Variants in SLFN12L observed in about 807,000 individuals in gnomAD.
SLFN12L encodes the protein schlafen family member 12 like.
In SLFN12L, 34 loss-of-function variants were observed where a neutral mutation model predicts 34.8. The ratio of observed to expected loss-of-function variants is 0.98; its 90% CI spans 0.74 to 1.30. The LOEUF (loss-of-function observed/expected upper bound fraction) is 1.30, where lower values mean the gene tolerates loss of function less well. Ranked by LOEUF, SLFN12L falls within the 50% of genes most tolerant of loss-of-function variation. The pLI is 0.00. For synonymous variants in SLFN12L, 259 were observed against 247.5 expected, an observed-to-expected ratio of 1.05 and a Z score of -0.44; for missense variants, 703 against 696.2, an observed-to-expected ratio of 1.01 and a Z score of -0.11.
At chr17:35,528,392 T>C (rs1181373837) in intron 1 of SLFN12L, among the ~76,000 whole-genome samples, 1 of 151,716 alleles carries the variant, frequency 6.6e-6, no homozygotes, top group Non-Finnish European at 1.5e-5. Context: ...GCCAAGACAA[T>C]CCTAAGCAAA....
At position 35,465,608 on chromosome 17, in the gene SLFN12L, A is replaced by C. The variant is rs557219588; in HGVS notation, c.*9315T>G. On this transcript the variant is annotated 3_prime_UTR_variant, in exon 5 of 5. Coordinates refer to ENST00000628453, the MANE Select transcript of SLFN12L (RefSeq NM_001363830.2). ...ACCTCATTTATATAACATAAAAGGG[A>C]TAAAGGAGATAAGTATTCCCTGCTG... Among the ~76,000 whole-genome samples, 70 of 151,856 alleles carry C rather than the reference A, an allele frequency of 4.6e-4. No individual in the cohort carries two copies. Among genetic ancestry groups the C allele is most frequent in the African/African-American group, 1.7e-3 (70 of 41,388 alleles).
intron 1 of SLFN12L, among the ~76,000 whole-genome samples, chr17:35,535,962 A>AGTTTGTTTGTTTGTTTGTTT (rs111617647): frequency 6.7e-6 from 1 of 149,528 alleles, no homozygotes; most frequent in East Asian, 2.0e-4. Context: ...GGCCCTGGCT[A>AGTTTGTTTGTTTGTTTGTTT]GTTTGTTTGT....
At chr17:35,531,859 T>G (rs979963685) in intron 1 of SLFN12L, among the ~76,000 whole-genome samples, 35 of 152,042 alleles carry the variant, frequency 2.3e-4, no homozygotes, top group African/African-American at 8.5e-4. Flanking sequence ...GGTCGTGAAA[T>G]CCTGACCTCA....
chr17:35,528,225 T>C (rs965467829), intron 1 of SLFN12L, among the ~76,000 whole-genome samples: 2 of 152,124 alleles, frequency 1.3e-5, no homozygotes, highest in African/African-American at 4.8e-5. Flanking sequence ...GGAAAAACAT[T>C]CCATGCTCAT....
rs534904934 is a variant in SLFN12L at position 35,464,431 on chromosome 17, C to T, written c.*10492G>A. 11 of 149,350 alleles carry T rather than the reference C, an allele frequency of 7.4e-5. No individual in the cohort carries two copies. The highest frequency in any genetic ancestry group is 2.0e-4 in the East Asian group (1 of 5,048). 9.3% of individuals were successfully genotyped at this position (149,350 alleles called of 1,614,324 possible). A position where few individuals can be genotyped will look rare whatever the true frequency, so the allele number is the denominator to read the frequency against. Reference sequence around the variant, plus strand: ...CTCTCCCTCCTCCCACCCTCCCCCCCTCAAATAGACCCCAGTGTCTGCTGT... The same window carrying T: ...CTCTCCCTCCTCCCACCCTCCCCCCTTCAAATAGACCCCAGTGTCTGCTGT... On this transcript the variant is annotated 3_prime_UTR_variant, in exon 5 of 5. Coordinates refer to ENST00000628453, the MANE Select transcript of SLFN12L (RefSeq NM_001363830.2).
intron 2 of SLFN12L, among the ~76,000 whole-genome samples, chr17:35,486,733 A>T (rs977146268): frequency 2.6e-5 from 4 of 152,132 alleles, no homozygotes; most frequent in African/African-American, 9.7e-5. Flanking sequence ...ACTTTTGACT[A>T]TAGGGGAAAT....
Position 35,470,327 on chromosome 17 carries a change from G to T in SLFN12L, c.*4596C>A. On this transcript the variant is annotated 3_prime_UTR_variant, in exon 5 of 5. Transcript: ENST00000628453. ...TAGTCCAAATCATTTTTCCACTTTA[G>T]CTCTGCTTCAAATGGGGCTGGCCTG... 1 of 161,056 alleles carries T rather than the reference G, an allele frequency of 6.2e-6. No homozygotes were observed. The highest frequency in any genetic ancestry group is 1.4e-5 in the Non-Finnish European group (1 of 73,558). The allele number at this position is 161,056 out of a possible 1,614,324, so 10.0% of individuals were successfully genotyped here.
chr17:35,491,261 T>C (rs1567660695), intron 2 of SLFN12L: 12 of 1,011,096 alleles, frequency 1.2e-5, no homozygotes, highest in Non-Finnish European at 4.3e-6. Flanking sequence ...ATGTGAACTC[T>C]CCTTAAAAAC....
rs547313762 is a variant in SLFN12L at position 35,483,901 on chromosome 17, G to A, written c.87-3706C>T. Among the ~76,000 whole-genome samples, 44 of 152,290 alleles carry A rather than the reference G, an allele frequency of 2.9e-4. No homozygotes were observed. In the South Asian group the frequency reaches 8.9e-3, roughly 31 times the overall value. ...ACCACCTTTGTCTCTATAAATTTCT[G>A]ATCATGTGTAAACAATAATAAAATT... On this transcript the variant is annotated intron_variant, in intron 2 of 4. Transcript: ENST00000628453.
intron 1 of SLFN12L, among the ~76,000 whole-genome samples, chr17:35,526,347 A>G (rs1043847265): frequency 4.6e-5 from 7 of 152,232 alleles, no homozygotes; most frequent in Admixed American, 2.0e-4. Flanking sequence ...TCCGCTCTGA[A>G]CCAAGCGGAT....
chr17:35,517,845 A>G (rs1468148238), intron 2 of SLFN12L, among the ~76,000 whole-genome samples: 1 of 152,256 alleles, frequency 6.6e-6, no homozygotes, highest in Non-Finnish European at 1.5e-5. Context: ...GGCTAGCCAT[A>G]TGCAGAAAAC....
At position 35,469,302 on chromosome 17, in the gene SLFN12L, AAAATATATATATATT is replaced by A. The variant is rs1210813868; in HGVS notation, c.*5606_*5620del. Among the ~76,000 whole-genome samples, 1 of 136,780 alleles carries A rather than the reference AAAATATATATATATT, an allele frequency of 7.3e-6. No individual in the cohort carries two copies. Among genetic ancestry groups the A allele is most frequent in the Non-Finnish European group, 1.5e-5 (1 of 65,588 alleles). The allele number at this position is 136,780 out of a possible 152,430, so 89.7% of individuals were successfully genotyped here. A position where few individuals can be genotyped will look rare whatever the true frequency, so the allele number is the denominator to read the frequency against. ...TGTTTTATATAAAATATATATATAT[AAAATATATATATATT>A]ATATATATAAATATATATATAATAT... On this transcript the variant is annotated 3_prime_UTR_variant, in exon 5 of 5. Transcript: ENST00000628453.
In SLFN12L at chr17:35,467,094, G is replaced by T. The variant is rs1398724521; in HGVS notation, c.*7829C>A. On this transcript the variant is annotated 3_prime_UTR_variant, in exon 5 of 5. Coordinates refer to ENST00000628453, the MANE Select transcript of SLFN12L (RefSeq NM_001363830.2). ...AAGGGAGTGACGTCCCCAGTCCTTG[G>T]TCCCTTGCCAGATGCCATAGTGCTG... Among the ~76,000 whole-genome samples the T allele has an allele frequency of 4.6e-5, 7 of 152,136 alleles. No homozygotes were observed. Among genetic ancestry groups the T allele is most frequent in the Non-Finnish European group, 8.8e-5 (6 of 68,032 alleles).
rs1913820352 is a variant in SLFN12L at position 35,472,304 on chromosome 17, T to C, written c.*2619A>G. On this transcript the variant is annotated 3_prime_UTR_variant, in exon 5 of 5. Transcript: ENST00000628453. ...GTCTTTAGTCCATCTTGGGTTAATT[T>C]TTGTATAAGGTGTAAGGAAGGGATC... 6.6e-6 allele frequency among the ~76,000 whole-genome samples: 1 copy of C among 152,228 alleles called. No individual in the cohort carries two copies. Among genetic ancestry groups the C allele is most frequent in the South Asian group, 2.1e-4 (1 of 4,834 alleles).
chr17:35,517,942 C>A (rs1026131127), intron 2 of SLFN12L, among the ~76,000 whole-genome samples: 11 of 152,248 alleles, frequency 7.2e-5, no homozygotes, highest in Non-Finnish European at 1.3e-4. Flanking sequence ...ACCATAAAAA[C>A]GCTAAAAGAA....
At chr17:35,500,406 G>A (rs138857572) in intron 2 of SLFN12L, 1 of 152,358 alleles carries the variant, frequency 6.6e-6, no homozygotes, top group East Asian at 1.9e-4. Flanking sequence ...CAGATAGCCT[G>A]GCGCCATGCC....
At chr17:35,497,184 A>G (rs2142146625) in intron 2 of SLFN12L, among the ~76,000 whole-genome samples, 1 of 152,316 alleles carries the variant, frequency 6.6e-6, no homozygotes, top group Non-Finnish European at 1.5e-5. Flanking sequence ...TTAGGTCAGG[A>G]GTTCCAGACC....
intron 2 of SLFN12L, among the ~76,000 whole-genome samples, chr17:35,486,071 G>T (rs1305596591): frequency 6.6e-6 from 1 of 152,172 alleles, no homozygotes; most frequent in Non-Finnish European, 1.5e-5. Flanking sequence ...GAATAGCATT[G>T]AATCTGTAGA....
chr17:35,481,346 T>G (rs1404479501), intron 2 of SLFN12L, among the ~76,000 whole-genome samples: 1 of 152,254 alleles, frequency 6.6e-6, no homozygotes, highest in Non-Finnish European at 1.5e-5. Context: ...TCTGGAGGCC[T>G]AACCGTCTCC....
Sources: gnomAD v4.1 joint callset for allele counts (sites outside exome capture counted in the v4.1 genomes callset) on GRCh38, gnomAD v4.1.1 for gene constraint, MANE v1.5 for transcripts, NCBI Gene and HGNC (gene_info 2026-07-23, HGNC 2026-07-21) for gene names.